The following RELB variants were observed in gnomAD, a reference collection of about 807,000 sequenced individuals.
RELB encodes the protein RELB proto-oncogene, NF-kB subunit.
RELB carries 14 observed loss-of-function variants against 55.4 expected under a neutral mutation model. The ratio of observed to expected loss-of-function variants is 0.25; its 90% CI spans 0.17 to 0.40. RELB has a LOEUF of 0.40. Ranked by LOEUF, RELB falls within the 10% of genes least tolerant of loss-of-function variation. The pLI is 1.00. For synonymous variants in RELB, 409 were observed against 371.3 expected, an observed-to-expected ratio of 1.10 and a Z score of -1.17; for missense variants, 669 against 830.7, an observed-to-expected ratio of 0.81 and a Z score of 2.39.
intron 4 of RELB, among the ~76,000 whole-genome samples, chr19:45,019,851 A>G (rs1341988847): frequency 6.6e-6 from 1 of 151,812 alleles, no homozygotes; most frequent in Non-Finnish European, 1.5e-5. Flanking sequence ...CTAATTTTGT[A>G]TTTTTAGTAG....
At chr19:45,021,004 G>A (rs923307052) in intron 4 of RELB, among the ~76,000 whole-genome samples, 5 of 152,052 alleles carry the variant, frequency 3.3e-5, no homozygotes, top group South Asian at 2.1e-4. Flanking sequence ...GCGAAACTCC[G>A]TCTCTACTGA....
chr19:45,025,590 A>G lies in RELB; in HGVS notation c.755-16A>G, dbSNP rs1472514498. 4 of 1,613,118 alleles carry G rather than the reference A, an allele frequency of 2.5e-6. No individual in the cohort carries two copies. Among genetic ancestry groups the G allele is most frequent in the Non-Finnish European group, 2.5e-6 (3 of 1,179,684 alleles). On this transcript the variant is annotated splice_polypyrimidine_tract_variant and intron_variant, in intron 6 of 11. Transcript: ENST00000221452. The stretch of plus-strand genomic sequence containing the variant: ...TCCACTTCCCACCCTCAGCCTCCCC[A>G]TATCTCCCCCGACAGCTGGGTCCCT...
intron 4 of RELB, among the ~76,000 whole-genome samples, chr19:45,021,573 C>CG: frequency 1.1e-5 from 1 of 91,376 alleles, no homozygotes; most frequent in Non-Finnish European, 2.0e-5. Context: ...TCAAAGTGGC[C>CG]TTTTTTTTTT....
intron 4 of RELB, 106 bp from the exon 5 acceptor site, chr19:45,021,947 C>A (rs1971494093): frequency 1.7e-6 from 2 of 1,152,582 alleles, no homozygotes; most frequent in Admixed American, 2.8e-5. Context: ...CAACAGAGGA[C>A]CCTAGTGGGG....
chr19:45,022,100 G>A lies in RELB; in HGVS notation c.552G>A (p.Leu184=). The change falls in exon 5 of 12, where the codon CTG becomes CTA. Residue 184 remains leucine, a synonymous_variant. Transcript: ENST00000221452. ...GGGAGGTGGAGGTGACTGCCTGCCT[G>A]GTGTGGAAGGACTGGCCTCACCGAG... ...GLREVEVTAC[L]VWKDWPHRVH... 1 of 1,613,536 alleles carries A rather than the reference G, an allele frequency of 6.2e-7. No homozygotes were observed. The highest frequency in any genetic ancestry group is 8.5e-7 in the Non-Finnish European group (1 of 1,179,740).
chr19:45,016,173 C>T (rs1235793185), intron 4 of RELB, among the ~76,000 whole-genome samples: 1 of 151,682 alleles, frequency 6.6e-6, no homozygotes, highest in Non-Finnish European at 1.5e-5. Flanking sequence ...TTAGTAGAGA[C>T]GGGGTTTCAC....
chr19:45,009,673 C>T, intron 2 of RELB, 141 bp from the exon 3 acceptor site: 1 of 908,356 alleles, frequency 1.1e-6, no homozygotes, highest in Non-Finnish European at 1.7e-6. Flanking sequence ...CCCAGCAAGT[C>T]AGAGCCCAGG....
intron 4 of RELB, among the ~76,000 whole-genome samples, chr19:45,021,006 C>A (rs1337630377): frequency 2.0e-5 from 3 of 152,110 alleles, no homozygotes; most frequent in African/African-American, 7.2e-5. Context: ...GAAACTCCGT[C>A]TCTACTGAAA....
Position 45,012,266 on chromosome 19 carries a change from C to T in RELB, c.494C>T (p.Pro165Leu). The T allele has an allele frequency of 2.8e-6, 4 of 1,414,478 alleles. No individual in the cohort carries two copies. Among genetic ancestry groups the T allele is most frequent in the Non-Finnish European group, 3.7e-6 (4 of 1,091,690 alleles). 87.6% of individuals were successfully genotyped at this position (1,414,478 alleles called of 1,614,324 possible). ...ESSTEASKTL[P>L]AIELRDCGGL... is the part of the protein sequence containing the mutation. ...AGCACCGAGGCCAGCAAGACGCTGCCCGCCATCGAGGTGGGCCCGGCGAGC... is the reference window on the plus strand; with the variant it reads ...AGCACCGAGGCCAGCAAGACGCTGCTCGCCATCGAGGTGGGCCCGGCGAGC... The change falls in exon 4 of 12, where the codon CCC becomes CTC. Residue 165 changes from proline (P) to leucine (L), a missense_variant. Transcript: ENST00000221452.
intron 4 of RELB, among the ~76,000 whole-genome samples, chr19:45,015,842 G>A (rs35891370): frequency 0.65 from 99,244 of 151,654 alleles, 32,612 homozygotes; most frequent in East Asian, 0.8. Context: ...GCATGAGTCC[G>A]AGACTGTTGA....
chr19:45,009,867 G>T (rs1386520092), intron 3 of RELB, 45 bp downstream of exon 3: 1 of 1,578,968 alleles, frequency 6.3e-7, no homozygotes. Flanking sequence ...AGGGACCCAA[G>T]TGCCTACAGA....
intron 7 of RELB, among the ~76,000 whole-genome samples, chr19:45,027,039 C>A (rs1432057208): frequency 2.0e-5 from 3 of 151,946 alleles, no homozygotes; most frequent in Non-Finnish European, 4.4e-5. Context: ...ACCATCCTGG[C>A]TAACATGGCG....
chr19:45,006,668 A>G (rs562485917), intron 2 of RELB, among the ~76,000 whole-genome samples: 11 of 151,494 alleles, frequency 7.3e-5, no homozygotes. Flanking sequence ...CGCCATGAAA[A>G]TGATAAAACA....
At chr19:45,015,227 C>T (rs1254026047) in intron 4 of RELB, among the ~76,000 whole-genome samples, 2 of 152,126 alleles carry the variant, frequency 1.3e-5, no homozygotes, top group Admixed American at 1.3e-4. Context: ...TTATCCCCAT[C>T]TTCAGAGTAG....
At chr19:45,036,875 G>A (rs1004219946) in intron 11 of RELB, among the ~76,000 whole-genome samples, 4 of 152,086 alleles carry the variant, frequency 2.6e-5, no homozygotes, top group Admixed American at 2.6e-4. Flanking sequence ...TAGAGACAGG[G>A]TCTCGTCACG....
At chr19:45,017,462 A>AGG in intron 4 of RELB, among the ~76,000 whole-genome samples, 1 of 151,422 alleles carries the variant, frequency 6.6e-6, no homozygotes, top group Admixed American at 6.6e-5. Flanking sequence ...AAAAAAAAAA[A>AGG]ACAATTCTGG....
At chr19:45,008,408 C>T (rs1971309478) in intron 2 of RELB, 1 of 456,152 alleles carries the variant, frequency 2.2e-6, no homozygotes, top group African/African-American at 2.0e-5. Context: ...CCCCTACAGC[C>T]CGGGAGCCTC....
chr19:45,005,010 A>G (rs1295707622), intron 2 of RELB, among the ~76,000 whole-genome samples: 2 of 151,702 alleles, frequency 1.3e-5, no homozygotes, highest in Non-Finnish European at 2.9e-5. Flanking sequence ...TCTACTAAAA[A>G]TACAAAAAAA....
Position 45,034,464 on chromosome 19 carries a change from C to T in RELB, c.1290C>T (p.Ile430=), listed in dbSNP as rs199599267. 1.0e-4 allele frequency: 163 copies of T among 1,611,674 alleles called. No homozygotes were observed. Among genetic ancestry groups the T allele is most frequent in the Non-Finnish European group, 1.1e-4 (127 of 1,178,952 alleles). The change falls in exon 11 of 12, where the codon ATC becomes ATT. Residue 430 remains isoleucine, a synonymous_variant. Coordinates refer to ENST00000221452, the MANE Select transcript of RELB (RefSeq NM_006509.4). ...GELNSSDPHG[I]ESKRRKKKPA... is the part of the protein sequence containing the mutation. ...GCCTTCCCTCAGACCCCCATGGCATCGAGAGCAAACGGCGGAAGAAAAAGC... is the reference window on the plus strand; with the variant it reads ...GCCTTCCCTCAGACCCCCATGGCATTGAGAGCAAACGGCGGAAGAAAAAGC...
Sources: gnomAD v4.1 joint callset for allele counts (sites outside exome capture counted in the v4.1 genomes callset) on GRCh38, gnomAD v4.1.1 for gene constraint, MANE v1.5 for transcripts, NCBI Gene and HGNC (gene_info 2026-07-23, HGNC 2026-07-21) for gene names.